TMEM169: variants seen among roughly 807,000 people sequenced by gnomAD.
TMEM169 encodes transmembrane protein 169.
In TMEM169, 18 loss-of-function variants were observed where a neutral mutation model predicts 27.3. The ratio of observed to expected loss-of-function variants is 0.66; its 90% confidence interval spans 0.46 to 0.98. The LOEUF (loss-of-function observed/expected upper bound fraction) is 0.98. TMEM169 is among the 50% of genes least tolerant of loss of function. The pLI, the probability that TMEM169 is intolerant of heterozygous loss-of-function variation, is 0.00. For synonymous variants in TMEM169, 136 were observed against 142.1 expected (o/e 0.96, Z 0.30); for missense variants, 320 against 368.6 (o/e 0.87, Z 1.08).
At chr2:216,096,809 A>G (rs998387966) in intron 2 of TMEM169, among the ~76,000 whole-genome samples, 6 of 152,262 alleles carry the variant, frequency 3.9e-5, no homozygotes, top group African/African-American at 1.2e-4. Context: ...TGGTAACACA[A>G]GCAGACTATG....
intron 1 of TMEM169, among the ~76,000 whole-genome samples, chr2:216,092,514 T>C (rs1397824367): frequency 6.6e-6 from 1 of 152,186 alleles, no homozygotes; most frequent in Admixed American, 6.5e-5. Context: ...CACTTTGCCC[T>C]GCCACATCTT....
At chr2:216,095,185 T>A (rs1000794897) in intron 1 of TMEM169, among the ~76,000 whole-genome samples, 2 of 139,798 alleles carry the variant, frequency 1.4e-5, no homozygotes, top group African/African-American at 5.5e-5. Flanking sequence ...CTCACCAGGC[T>A]CAAGCAATTT....
chr2:216,100,579 G>T lies in TMEM169; in HGVS notation c.*37G>T. On this transcript the variant is annotated 3_prime_UTR_variant, in exon 3 of 3. Coordinates refer to ENST00000437356, the MANE Select transcript of TMEM169 (RefSeq NM_001142311.2). ...CTTACTCCCTCCTCTGGCCCCAGTA[G>T]CCTATATATCATCTTAAAATTCCAG... 1 of 1,612,384 alleles carries T rather than the reference G, an allele frequency of 6.2e-7. No individual in the cohort carries two copies. Among genetic ancestry groups the T allele is most frequent in the Non-Finnish European group, 8.5e-7 (1 of 1,179,578 alleles).
At chr2:216,086,515 C>T (rs890395094) in intron 1 of TMEM169, among the ~76,000 whole-genome samples, 1 of 152,146 alleles carries the variant, frequency 6.6e-6, no homozygotes, top group African/African-American at 2.4e-5. Context: ...CTTGTGAAAT[C>T]TAAAAGGAAG....
intron 2 of TMEM169, 132 bp downstream of exon 2, chr2:216,096,366 TTTTA>T (rs1696264896): frequency 1.6e-5 from 17 of 1,090,360 alleles, no homozygotes; most frequent in South Asian, 1.7e-5. Flanking sequence ...TATTACCACC[TTTTA>T]TTTATTTATT....
In TMEM169 at chr2:216,089,204, A is replaced by G. The variant is rs1696073541; in HGVS notation, c.-126-6634A>G. Among the ~76,000 whole-genome samples, 5 of 152,348 alleles carry G rather than the reference A, an allele frequency of 3.3e-5. No individual in the cohort carries two copies. In the South Asian group the frequency reaches 1.0e-3, roughly 32 times the overall value. ...GTTAAAGGAGGTGAGGGAAGGTTCAAGAAAGATTTGGGAATTAGTGGAATC... is the reference window on the plus strand; with the variant it reads ...GTTAAAGGAGGTGAGGGAAGGTTCAGGAAAGATTTGGGAATTAGTGGAATC... On this transcript the variant is annotated intron_variant, in intron 1 of 2. Transcript: ENST00000437356.
At chr2:216,094,395 G>T (rs942017500) in intron 1 of TMEM169, among the ~76,000 whole-genome samples, 1 of 152,042 alleles carries the variant, frequency 6.6e-6, no homozygotes, top group Admixed American at 6.6e-5. Context: ...ATTAAAACTG[G>T]GTATGTTAAA....
In TMEM169 at chr2:216,099,013, G is replaced by A. The variant is rs934480273; in HGVS notation, c.272-907G>A. 1.3e-5 allele frequency among the ~76,000 whole-genome samples: 2 copies of A among 149,984 alleles called. No homozygotes were observed. The highest frequency in any genetic ancestry group is 2.5e-5 in the African/African-American group (1 of 40,766). The stretch of plus-strand genomic sequence containing the variant: ...TGTAGTGTATATATGTGGAATGTGT[G>A]GGGGGCAGCATTTGTGTGCATGTAT... On this transcript the variant is annotated intron_variant, in intron 2 of 2. Transcript: ENST00000437356. The surrounding 1 kb of genome is among the most constrained non-coding windows in gnomAD (Gnocchi z 5.0).
At chr2:216,090,166 A>G (rs1574431945) in intron 1 of TMEM169, among the ~76,000 whole-genome samples, 1 of 152,194 alleles carries the variant, frequency 6.6e-6, no homozygotes, top group Non-Finnish European at 1.5e-5. Context: ...TATCAGAGAG[A>G]GTAAAGTGGC....
At chr2:216,097,461 G>C (rs1355225011) in intron 2 of TMEM169, among the ~76,000 whole-genome samples, 1 of 152,270 alleles carries the variant, frequency 6.6e-6, no homozygotes, top group East Asian at 1.9e-4. Context: ...CGAGGCACAA[G>C]AATTGCTTTA....
chr2:216,082,857 T>A (rs1375864594), intron 1 of TMEM169: 1 of 152,164 alleles, frequency 6.6e-6, no homozygotes. Flanking sequence ...GTTGTCAGAG[T>A]GTTGCATTTT....
intron 1 of TMEM169, among the ~76,000 whole-genome samples, chr2:216,092,947 A>G (rs531761787): frequency 6.6e-6 from 1 of 152,276 alleles, no homozygotes; most frequent in African/African-American, 2.4e-5. Flanking sequence ...CAGCTTTCTG[A>G]GTGTCAGTGT....
chr2:216,100,551 C>A lies in TMEM169; in HGVS notation c.*9C>A. 1 of 1,614,008 alleles carries A rather than the reference C, an allele frequency of 6.2e-7. No individual in the cohort carries two copies. Among genetic ancestry groups the A allele is most frequent in the Non-Finnish European group, 8.5e-7 (1 of 1,180,012 alleles). ...AAACCTCCACGGTCTAAACTCCCAA[C>A]AACTTACTCCCTCCTCTGGCCCCAG... On this transcript the variant is annotated 3_prime_UTR_variant, in exon 3 of 3. Coordinates refer to ENST00000437356, the MANE Select transcript of TMEM169 (RefSeq NM_001142311.2).
At chr2:216,093,738 G>A (rs1696193808) in intron 1 of TMEM169, among the ~76,000 whole-genome samples, 1 of 152,070 alleles carries the variant, frequency 6.6e-6, no homozygotes, top group Non-Finnish European at 1.5e-5. Flanking sequence ...CCTGCCTGGA[G>A]GGGGAGAAAA....
chr2:216,089,913 G>A (rs1696087630), intron 1 of TMEM169, among the ~76,000 whole-genome samples: 1 of 152,334 alleles, frequency 6.6e-6, no homozygotes, highest in African/African-American at 2.4e-5. Flanking sequence ...AGAGATGCAA[G>A]TAAGAGAACA....
In TMEM169 at chr2:216,099,590, TC is replaced by T. The variant is rs956898535; in HGVS notation, c.272-329del. Among the ~76,000 whole-genome samples, 4 of 152,058 alleles carry T rather than the reference TC, an allele frequency of 2.6e-5. No homozygotes were observed. The highest frequency in any genetic ancestry group is 9.7e-5 in the African/African-American group (4 of 41,358). ...GATCATCATTTGCATCATGTCTGTA[TC>T]AAAGTTCGTCACACTCCTCCGTGCC... On this transcript the variant is annotated intron_variant, in intron 2 of 2. Transcript: ENST00000437356. This position sits in a 1 kb window ranked among gnomAD's most constrained non-coding sequence, Gnocchi z 5.0.
intron 1 of TMEM169, among the ~76,000 whole-genome samples, chr2:216,089,729 C>T (rs1248570549): frequency 1.3e-5 from 2 of 152,158 alleles, no homozygotes; most frequent in Non-Finnish European, 2.9e-5. Flanking sequence ...GCTGGGATTA[C>T]GGGCATGAGC....
In TMEM169 at chr2:216,102,774, C is replaced by T. The variant is rs903169670; in HGVS notation, c.*2232C>T. 33 of 152,664 alleles carry T rather than the reference C, an allele frequency of 2.2e-4. No individual in the cohort carries two copies. Among genetic ancestry groups the T allele is most frequent in the African/African-American group, 7.7e-4 (32 of 41,520 alleles). 9.5% of individuals were successfully genotyped at this position (152,664 alleles called of 1,614,324 possible). A position where few individuals can be genotyped will look rare whatever the true frequency, so the allele number is the denominator to read the frequency against. The stretch of plus-strand genomic sequence containing the variant: ...GAAAATAAAAATAAAGTCTGATTAA[C>T]TTTTGCTCATTTTGTCTTTGAGGCT... On this transcript the variant is annotated 3_prime_UTR_variant, in exon 3 of 3. Coordinates refer to ENST00000437356, the MANE Select transcript of TMEM169 (RefSeq NM_001142311.2).
chr2:216,092,374 C>A (rs892780371), intron 1 of TMEM169, among the ~76,000 whole-genome samples: 2 of 151,882 alleles, frequency 1.3e-5, no homozygotes, highest in African/African-American at 4.8e-5. Context: ...TAAATTAATT[C>A]TTTTTTTGAG....
Sources: allele counts gnomAD v4.1 joint callset (sites outside exome capture counted in the v4.1 genomes callset), GRCh38; gene constraint gnomAD v4.1.1; non-coding constraint Gnocchi (gnomAD v3.1); transcripts MANE v1.5; gene names NCBI Gene and HGNC (gene_info 2026-07-23, HGNC 2026-07-21).